The following MINDY4 variants were observed in gnomAD, a reference collection of about 807,000 sequenced individuals.
MINDY4 encodes the protein MINDY lysine 48 deubiquitinase 4, also known as probable ubiquitin carboxyl-terminal hydrolase MINDY-4.
A neutral mutation model predicts 87.0 loss-of-function variants in MINDY4; 68 were observed. The observed-to-expected ratio is 0.78, with a 90% CI of 0.64 to 0.96. The LOEUF (loss-of-function observed/expected upper bound fraction) is 0.96, where lower values mean the gene tolerates loss of function less well. Among genes scored for constraint, MINDY4 ranks in the 40% least tolerant of loss-of-function variants. The probability of loss-of-function intolerance (pLI) is 0.00; values close to 1 mark genes in which losing one functional copy is unlikely to be tolerated. For synonymous variants in MINDY4, 379 were observed against 363.2 expected (o/e 1.04, Z -0.50); for missense variants, 919 against 928.2 (o/e 0.99, Z 0.13).
intron 17 of MINDY4, among the ~76,000 whole-genome samples, chr7:30,888,111 T>TC (rs919618536): frequency 4.9e-4 from 74 of 152,238 alleles, no homozygotes; most frequent in African/African-American, 1.6e-3. Context: ...AAACACTGGG[T>TC]CCATCAACGT....
Position 30,840,752 on chromosome 7 carries a change from C to T in MINDY4, c.1357-8C>T. ...TCTCACTGGCAGCAATGGTCTCATT[C>T]TTTGCAGGGTGGTCCTTGCGGAGTC... On this transcript the variant is annotated splice_polypyrimidine_tract_variant and splice_region_variant and intron_variant, in intron 8 of 17. Coordinates refer to ENST00000265299, the MANE Select transcript of MINDY4 (RefSeq NM_032222.3). 1 of 1,613,618 alleles carries T rather than the reference C, an allele frequency of 6.2e-7. No individual in the cohort carries two copies. Among genetic ancestry groups the T allele is most frequent in the South Asian group, 1.1e-5 (1 of 90,982 alleles).
chr7:30,816,826 G>A (rs1356069478), intron 5 of MINDY4, among the ~76,000 whole-genome samples: 1 of 152,152 alleles, frequency 6.6e-6, no homozygotes, highest in Non-Finnish European at 1.5e-5. Context: ...GGAAATGTCA[G>A]GCCAGCAATT....
intron 12 of MINDY4, among the ~76,000 whole-genome samples, chr7:30,857,122 A>C (rs1329825947): frequency 6.6e-6 from 1 of 152,206 alleles, no homozygotes; most frequent in African/African-American, 2.4e-5. Flanking sequence ...TGCTTTGAAA[A>C]GTAAATGATG....
rs1035084734 is a variant in MINDY4 at position 30,840,803 on chromosome 7, T to A, written c.1400T>A (p.Leu467Gln). 6.2e-7 allele frequency: 1 copy of A among 1,614,082 alleles called. No individual in the cohort carries two copies. Among genetic ancestry groups the A allele is most frequent in the African/African-American group, 1.3e-5 (1 of 74,938 alleles). ...CTGGCAGCTGTCCAAGGCTGTGTCC[T>A]ACAGAAACTCCTGTTTGAAGGAGAT... is the stretch of plus-strand genomic sequence containing the variant. ...GVLAAVQGCVLQKLLFEGDSK... is the reference protein window; with the variant it reads ...GVLAAVQGCVQQKLLFEGDSK... Residue 467 changes from leucine to glutamine, a missense_variant, in exon 9 of 18, where the codon CTA (leucine) becomes CAA (glutamine). Physicochemically the swap from Leu to Gln is moderately radical, Grantham distance 113. Transcript: ENST00000265299.
chr7:30,882,856 G>T, intron 16 of MINDY4, 65 bp from the exon 17 acceptor site: 1 of 1,507,156 alleles, frequency 6.6e-7, no homozygotes. Flanking sequence ...GGAGTGGTCA[G>T]CGCTGACCTC....
chr7:30,877,581 T>A (rs987709419), intron 15 of MINDY4, among the ~76,000 whole-genome samples: 12 of 152,028 alleles, frequency 7.9e-5, no homozygotes, highest in Admixed American at 3.3e-4. Context: ...TCCTCCTCCA[T>A]GAGCTCACCG....
chr7:30,778,761 G>A (rs1786906528), intron 2 of MINDY4, among the ~76,000 whole-genome samples: 1 of 152,232 alleles, frequency 6.6e-6, no homozygotes, highest in African/African-American at 2.4e-5. Flanking sequence ...CCATTGGCGT[G>A]TTGTGTGTGT....
intron 11 of MINDY4, 57 bp from the exon 12 acceptor site, chr7:30,853,337 G>T (rs1789473985): frequency 1.4e-6 from 2 of 1,446,772 alleles, no homozygotes; most frequent in African/African-American, 2.8e-5. Context: ...AGCTAATTCA[G>T]GATGGGGCAC....
At chr7:30,808,189 A>G (rs895220667) in intron 5 of MINDY4, among the ~76,000 whole-genome samples, 16 of 152,178 alleles carry the variant, frequency 1.1e-4, no homozygotes, top group East Asian at 7.7e-4. Flanking sequence ...TGGAGGATCA[A>G]TGTGGTGGCT....
chr7:30,835,456 A>G (rs544690305), intron 6 of MINDY4, among the ~76,000 whole-genome samples: 47 of 152,308 alleles, frequency 3.1e-4, no homozygotes, highest in African/African-American at 1.1e-3. Context: ...TTGGGTGGGG[A>G]CACAGAGCCA....
intron 5 of MINDY4, among the ~76,000 whole-genome samples, chr7:30,815,945 A>G (rs577427245): frequency 6.6e-6 from 1 of 152,272 alleles, no homozygotes; most frequent in South Asian, 2.1e-4. Flanking sequence ...CCAGCATGGG[A>G]TAGATTAAAA....
chr7:30,828,320 G>A (rs550539534), intron 5 of MINDY4, among the ~76,000 whole-genome samples: 1 of 87,522 alleles, frequency 1.1e-5, no homozygotes, highest in African/African-American at 6.2e-5. Flanking sequence ...AACTCGATTT[G>A]TGTGTGTGTG....
intron 14 of MINDY4, 86 bp downstream of exon 14, chr7:30,872,392 C>T (rs3801324): frequency 4.0e-6 from 5 of 1,264,538 alleles, no homozygotes; most frequent in Non-Finnish European, 5.7e-6. Flanking sequence ...CCTCTTGCCC[C>T]AGAAAAAGAC....
intron 4 of MINDY4, among the ~76,000 whole-genome samples, chr7:30,789,124 AG>A (rs1411942123): frequency 6.6e-6 from 1 of 151,028 alleles, no homozygotes; most frequent in Non-Finnish European, 1.5e-5. Context: ...ATTCCCTAAA[AG>A]GATCTGGGGA....
At chr7:30,848,201 G>A (rs1352985986) in intron 9 of MINDY4, among the ~76,000 whole-genome samples, 1 of 152,216 alleles carries the variant, frequency 6.6e-6, no homozygotes, top group African/African-American at 2.4e-5. Context: ...CTCCAGGCAC[G>A]ATTTTGTGTA....
chr7:30,853,358 T>C (rs1351897817), intron 11 of MINDY4, 36 bp from the exon 12 acceptor site: 1 of 1,584,356 alleles, frequency 6.3e-7, no homozygotes, highest in Non-Finnish European at 8.7e-7. Flanking sequence ...TGCGTGGGGC[T>C]TGGGCCACTC....
At chr7:30,847,798 G>A (rs1410246873) in intron 9 of MINDY4, among the ~76,000 whole-genome samples, 1 of 152,160 alleles carries the variant, frequency 6.6e-6, no homozygotes, top group South Asian at 2.1e-4. Context: ...AGAATGCAGT[G>A]GCACGATCAT....
At chr7:30,806,716 C>T (rs566488942) in intron 5 of MINDY4, among the ~76,000 whole-genome samples, 1 of 152,390 alleles carries the variant, frequency 6.6e-6, no homozygotes, top group African/African-American at 2.4e-5. Context: ...ATTTGCCTGC[C>T]TTGAGGCATT....
At chr7:30,784,356 T>C (rs557871311) in intron 3 of MINDY4, among the ~76,000 whole-genome samples, 1 of 152,312 alleles carries the variant, frequency 6.6e-6, no homozygotes, top group East Asian at 1.9e-4. Flanking sequence ...AGAGTGATAG[T>C]AGGCACTTTC....
Sources: allele counts gnomAD v4.1 joint callset (sites outside exome capture counted in the v4.1 genomes callset), GRCh38; gene constraint gnomAD v4.1.1; transcripts MANE v1.5; gene names NCBI Gene and HGNC (gene_info 2026-07-23, HGNC 2026-07-21).